NDUFA10: variants seen among roughly 807,000 people sequenced by gnomAD.
NDUFA10 encodes the protein NADH dehydrogenase [ubiquinone] 1 alpha subcomplex subunit 10, mitochondrial.
NDUFA10 carries 40 observed loss-of-function variants against 47.8 expected under a neutral mutation model. The ratio of observed to expected loss-of-function variants is 0.84; its 90% CI spans 0.65 to 1.09. The LOEUF is 1.09. Among genes scored for constraint, NDUFA10 ranks in the 50% least tolerant of loss-of-function variants. NDUFA10 has a pLI of 0.00. For missense variants in NDUFA10, 413 were observed against 451.1 expected, an observed-to-expected ratio of 0.92 and a Z score of 0.76; for synonymous variants, 183 against 172.2, an observed-to-expected ratio of 1.06 and a Z score of -0.49.
At chr2:239,977,457 G>A (rs996640786) in intron 9 of NDUFA10, among the ~76,000 whole-genome samples, 24 of 152,196 alleles carry the variant, frequency 1.6e-4, no homozygotes, top group African/African-American at 5.5e-4. Flanking sequence ...CCTAGAAGAG[G>A]CAGCCAGGCC....
chr2:239,929,891 TG>T (rs1193304510), intron 4 of NDUFA10, among the ~76,000 whole-genome samples: 1 of 150,426 alleles, frequency 6.6e-6, no homozygotes, highest in Non-Finnish European at 1.5e-5. Flanking sequence ...CCACTGCCCC[TG>T]CTCCTCCACC....
intron 4 of NDUFA10, among the ~76,000 whole-genome samples, chr2:239,899,165 G>GTCCCTTCCACAATTGCCAGGATGA (rs1574762265): frequency 6.5e-5 from 1 of 15,484 alleles, no homozygotes; most frequent in East Asian, 1.3e-3. Context: ...GGGAGTCATG[G>GTCCCTTCCACAATTGCCAGGATGA]AGGGGTGTAA....
chr2:239,902,091 C>A (rs1307010952), intron 4 of NDUFA10, among the ~76,000 whole-genome samples: 1 of 152,060 alleles, frequency 6.6e-6, no homozygotes, highest in Non-Finnish European at 1.5e-5. Context: ...ACATAAACTT[C>A]GTTAATAAAG....
At chr2:239,973,600 G>T (rs918387318) in intron 9 of NDUFA10, 1 of 470,300 alleles carries the variant, frequency 2.1e-6, no homozygotes, top group Non-Finnish European at 4.4e-6. Context: ...GGAACGATCA[G>T]CTTCAAGGAG....
intron 8 of NDUFA10, among the ~76,000 whole-genome samples, chr2:239,998,969 C>T (rs1473796427): frequency 2.0e-5 from 3 of 152,162 alleles, no homozygotes; most frequent in African/African-American, 7.2e-5. Context: ...AAGGCTCCAA[C>T]CCACAGCACA....
At chr2:239,939,944 C>G (rs546925825) in intron 4 of NDUFA10, among the ~76,000 whole-genome samples, 1 of 152,336 alleles carries the variant, frequency 6.6e-6, no homozygotes, top group Admixed American at 6.5e-5. Flanking sequence ...CAGGAGAGGC[C>G]TGGCAACAAG....
At chr2:240,001,816 G>A (rs1696732703) in intron 8 of NDUFA10, among the ~76,000 whole-genome samples, 1 of 152,142 alleles carries the variant, frequency 6.6e-6, no homozygotes, top group Admixed American at 6.5e-5. Context: ...TGACTTCAAT[G>A]ACTCAGAGAA....
chr2:239,954,490 T>A (rs1173539886), downstream of NDUFA10, among the ~76,000 whole-genome samples: 1 of 152,202 alleles, frequency 6.6e-6, no homozygotes, highest in African/African-American at 2.4e-5. Context: ...GAGACCCCAG[T>A]GAAGCTCCCT....
Position 239,959,874 on chromosome 2 carries a change from G to C in NDUFA10, c.*1244C>G, listed in dbSNP as rs1694778643. The C allele has an allele frequency of 1.0e-6, 1 of 984,864 alleles. No homozygotes were observed. Among genetic ancestry groups the C allele is most frequent in the Non-Finnish European group, 1.2e-6 (1 of 829,348 alleles). The allele number at this position is 984,864 out of a possible 1,614,324, so 61.0% of individuals were successfully genotyped here. A position where few individuals can be genotyped will look rare whatever the true frequency, so the allele number is the denominator to read the frequency against. On this transcript the variant is annotated 3_prime_UTR_variant, in exon 10 of 10. Transcript: ENST00000252711. ...GGGAGAGGGAAAAAGGCAGGCGGAC[G>C]CAAGGAGGGAAGGAGTGTGCATCTT...
intron 9 of NDUFA10, among the ~76,000 whole-genome samples, chr2:239,976,176 A>G (rs1695508916): frequency 6.6e-6 from 1 of 152,198 alleles, no homozygotes. Context: ...GCTTGGTTAC[A>G]TAACAATGTG....
chr2:239,925,494 G>A (rs10178738), intron 4 of NDUFA10, among the ~76,000 whole-genome samples: 33,049 of 152,082 alleles, frequency 0.22, 3,823 homozygotes, highest in East Asian at 0.34. Context: ...AATGAACTGC[G>A]ACCTAAGTCT....
chr2:239,896,675 T>G lies in NDUFA10; in HGVS notation c.295-1361A>C, dbSNP rs78787045. ...AACTTGGATATGAACTTGTATTTGA[T>G]GCTATAGAGGTAAAGGAAGTCTTCT... On this transcript the variant is annotated intron_variant, in intron 4 of 5. Transcript: ENST00000419408. 5.8e-3 allele frequency among the ~76,000 whole-genome samples: 877 copies of G among 152,326 alleles called. 13 individuals carry two copies. The East Asian group carries it at 0.07, about 12-fold the overall frequency.
At chr2:239,921,487 G>A (rs565265017) in intron 4 of NDUFA10, among the ~76,000 whole-genome samples, 10 of 152,020 alleles carry the variant, frequency 6.6e-5, no homozygotes, top group South Asian at 2.1e-4. Flanking sequence ...AATCTTCCCC[G>A]TGATTGGTTA....
chr2:239,993,646 C>T (rs1455954570), intron 8 of NDUFA10, among the ~76,000 whole-genome samples: 2 of 152,082 alleles, frequency 1.3e-5, no homozygotes, highest in African/African-American at 4.8e-5. Flanking sequence ...AAAAAATAAA[C>T]CTGGTGGGAG....
chr2:239,997,810 A>C (rs932891800), intron 8 of NDUFA10, among the ~76,000 whole-genome samples: 3 of 152,188 alleles, frequency 2.0e-5, no homozygotes, highest in African/African-American at 7.2e-5. Context: ...CCATCACATA[A>C]TCCTTCCTTT....
chr2:239,966,349 A>C (rs893400204), intron 9 of NDUFA10, among the ~76,000 whole-genome samples: 26 of 152,206 alleles, frequency 1.7e-4, no homozygotes, highest in African/African-American at 6.3e-4. Flanking sequence ...GTGGGCTTCC[A>C]TTCCAGGCTG....
In NDUFA10 at chr2:239,961,063, C is replaced by T. The variant is rs373357333; in HGVS notation, c.*55G>A. 2.2e-5 allele frequency: 35 copies of T among 1,611,924 alleles called. No homozygotes were observed. The East Asian group carries it at 4.5e-4, about 21-fold the overall frequency. On this transcript the variant is annotated 3_prime_UTR_variant, in exon 10 of 10. Coordinates refer to ENST00000252711, the MANE Select transcript of NDUFA10 (RefSeq NM_004544.4). ...AAGCTATATGGCGTCCAGGAGAGTG[C>T]GGCTGATGCAGCTTGGCCATCACTG...
At chr2:239,920,136 G>T (rs1432370779) in intron 4 of NDUFA10, among the ~76,000 whole-genome samples, 2 of 152,204 alleles carry the variant, frequency 1.3e-5, no homozygotes, top group Non-Finnish European at 2.9e-5. Flanking sequence ...TGGGGTCACA[G>T]GGTGGGGCCC....
chr2:239,921,583 C>T (rs1402478325), intron 4 of NDUFA10, among the ~76,000 whole-genome samples: 1 of 151,554 alleles, frequency 6.6e-6, no homozygotes, highest in Non-Finnish European at 1.5e-5. Context: ...TTTTACAAAC[C>T]TCTTGCTAGC....
Sources: allele counts gnomAD v4.1 joint callset (sites outside exome capture counted in the v4.1 genomes callset), GRCh38; gene constraint gnomAD v4.1.1; transcripts MANE v1.5; gene names NCBI Gene and HGNC (gene_info 2026-07-23, HGNC 2026-07-21).